The following NFKB1 variants were observed in gnomAD, a reference collection of about 807,000 sequenced individuals.
The protein encoded by NFKB1 is nuclear factor NF-kappa-B p105 subunit.
Under a neutral mutation model 105.1 loss-of-function variants are expected in NFKB1, and 9 were observed. The ratio of observed to expected loss-of-function variants is 0.09; its 90% CI spans 0.05 to 0.15. The LOEUF is 0.15. Ranked by LOEUF, NFKB1 falls within the 10% of genes least tolerant of loss-of-function variation. NFKB1 has a pLI of 1.00. For missense variants in NFKB1, 830 were observed against 1,203.7 expected (o/e 0.69, Z 4.59); for synonymous variants, 440 against 442.2 (o/e 1.00, Z 0.06).
rs986594537 is a variant in NFKB1 at position 102,607,313 on chromosome 4, C to T, written c.2118C>T (p.Leu706=). The T allele has an allele frequency of 2.0e-5, 33 of 1,611,634 alleles. No homozygotes were observed. The highest frequency in any genetic ancestry group is 2.7e-5 in the African/African-American group (2 of 74,848). The stretch of plus-strand genomic sequence containing the variant: ...ACATCTCATTGGCAGGCTGCCTGCT[C>T]CTGGAGGTGAAGGGCACACTTATTT... ...HDNISLAGCL[L]LEGDAHVDST... The change falls in exon 18 of 24, where the codon CTC becomes CTT. Residue 706 remains leucine (L), a synonymous_variant. Transcript: ENST00000226574.
At chr4:102,513,214 G>T (rs1348437884) in intron 1 of NFKB1, among the ~76,000 whole-genome samples, 1 of 152,168 alleles carries the variant, frequency 6.6e-6, no homozygotes, top group African/African-American at 2.4e-5. Flanking sequence ...CTCACACCAT[G>T]AACAGAGGTA....
intron 4 of NFKB1, 55 bp downstream of exon 4, chr4:102,533,940 A>C: frequency 6.9e-7 from 1 of 1,456,570 alleles, no homozygotes; most frequent in African/African-American, 1.4e-5. Flanking sequence ...TAATATTGAG[A>C]TCATAAGCAC....
rs768062011 is a variant in NFKB1 at position 102,582,843 on chromosome 4, C to T, written c.836-23C>T. The T allele has an allele frequency of 7.3e-6, 11 of 1,498,316 alleles. No homozygotes were observed. In the East Asian group the frequency reaches 1.8e-4, roughly 25 times the overall value. 92.8% of individuals were successfully genotyped at this position (1,498,316 alleles called of 1,614,324 possible). ...ACTATTTACACTATGTGAAATTACACACTTCAATGTGATTGTTTGCAGATG... is the reference window on the plus strand; with the variant it reads ...ACTATTTACACTATGTGAAATTACATACTTCAATGTGATTGTTTGCAGATG... On this transcript the variant is annotated intron_variant, in intron 9 of 23. Coordinates refer to ENST00000226574, the MANE Select transcript of NFKB1 (RefSeq NM_003998.4).
chr4:102,537,687 A>G (rs1741736006), intron 4 of NFKB1, 171 bp from the exon 5 acceptor site: 2 of 496,078 alleles, frequency 4.0e-6, no homozygotes, highest in Admixed American at 3.5e-5. Context: ...CATTTTTCGT[A>G]GTAAGATTAC....
chr4:102,529,608 A>T (rs1186596514), intron 2 of NFKB1, among the ~76,000 whole-genome samples: 1 of 152,184 alleles, frequency 6.6e-6, no homozygotes, highest in Non-Finnish European at 1.5e-5. Context: ...TGCTTCTCAA[A>T]TCCCTTTGTT....
intron 1 of NFKB1, among the ~76,000 whole-genome samples, chr4:102,517,763 A>G (rs1454175981): frequency 6.6e-6 from 1 of 152,200 alleles, no homozygotes; most frequent in African/African-American, 2.4e-5. Flanking sequence ...ATGGCATTTC[A>G]GGATGCAGGG....
At chr4:102,607,594 A>G in intron 18 of NFKB1, 55 bp from the exon 19 acceptor site, 2 of 1,561,130 alleles carry the variant, frequency 1.3e-6, no homozygotes, top group Non-Finnish European at 1.8e-6. Flanking sequence ...GGAGGTGGGG[A>G]CAAAAGGGCA....
At chr4:102,535,089 T>C (rs546931249) in intron 4 of NFKB1, among the ~76,000 whole-genome samples, 68 of 152,292 alleles carry the variant, frequency 4.5e-4, no homozygotes, top group Non-Finnish European at 7.9e-4. Flanking sequence ...TAACACTCCA[T>C]TGCTCTACCT....
chr4:102,612,188 C>G, intron 21 of NFKB1, 78 bp downstream of exon 21: 1 of 1,314,926 alleles, frequency 7.6e-7, no homozygotes, highest in South Asian at 1.2e-5. Context: ...CCAGCATTAT[C>G]CAGGGTCTAC....
chr4:102,588,513 TA>T (rs1725906423), intron 11 of NFKB1, among the ~76,000 whole-genome samples: 1 of 152,028 alleles, frequency 6.6e-6, no homozygotes, highest in Admixed American at 6.6e-5. Context: ...AGATTAGGGA[TA>T]AATAATCTTT....
At chr4:102,507,372 A>G (rs1453602396) in intron 1 of NFKB1, among the ~76,000 whole-genome samples, 1 of 152,238 alleles carries the variant, frequency 6.6e-6, no homozygotes, top group Non-Finnish European at 1.5e-5. Context: ...CGCTACTAGT[A>G]GAAATGTATG....
chr4:102,582,276 G>A (rs2149189303), intron 9 of NFKB1, among the ~76,000 whole-genome samples: 1 of 152,074 alleles, frequency 6.6e-6, no homozygotes, highest in South Asian at 2.1e-4. Context: ...TACTGTCTAT[G>A]TTAAAATCCT....
At chr4:102,597,714 C>G in intron 15 of NFKB1, 53 bp downstream of exon 15, 4 of 1,577,212 alleles carry the variant, frequency 2.5e-6, no homozygotes, top group Non-Finnish European at 3.5e-6. Context: ...AGAAGAAGAG[C>G]ATCGTATAAT....
intron 6 of NFKB1, among the ~76,000 whole-genome samples, chr4:102,576,359 G>C (rs1343776394): frequency 6.6e-6 from 1 of 152,132 alleles, no homozygotes; most frequent in Non-Finnish European, 1.5e-5. Flanking sequence ...TTAGTATTTT[G>C]AATTTTGAAT....
intron 11 of NFKB1, among the ~76,000 whole-genome samples, chr4:102,591,711 C>G (rs1490701047): frequency 6.6e-6 from 1 of 152,166 alleles, no homozygotes; most frequent in African/African-American, 2.4e-5. Flanking sequence ...TGACAATACA[C>G]CTAGTCACCC....
intron 1 of NFKB1, among the ~76,000 whole-genome samples, chr4:102,506,907 A>G (rs1319253981): frequency 6.6e-6 from 1 of 151,274 alleles, no homozygotes; most frequent in Non-Finnish European, 1.5e-5. Flanking sequence ...TATTAAATAT[A>G]CTGATATATA....
intron 1 of NFKB1, among the ~76,000 whole-genome samples, chr4:102,512,162 C>G (rs1394314937): frequency 6.6e-6 from 1 of 152,196 alleles, no homozygotes; most frequent in Non-Finnish European, 1.5e-5. Flanking sequence ...TTCTCATTTA[C>G]TTATTACTTA....
intron 8 of NFKB1, among the ~76,000 whole-genome samples, chr4:102,580,262 C>G (rs183770069): frequency 7.9e-5 from 12 of 152,286 alleles, no homozygotes; most frequent in Admixed American, 3.3e-4. Flanking sequence ...CAGAAAAGCT[C>G]TTTCTCTTTT....
chr4:102,570,446 T>G (rs1186564637), intron 6 of NFKB1, among the ~76,000 whole-genome samples: 3 of 152,168 alleles, frequency 2.0e-5, no homozygotes, highest in African/African-American at 7.2e-5. Flanking sequence ...ACATTTTCTT[T>G]ATTTATTTAT....
Sources: allele counts gnomAD v4.1 joint callset (sites outside exome capture counted in the v4.1 genomes callset), GRCh38; gene constraint gnomAD v4.1.1; transcripts MANE v1.5; gene names NCBI Gene and HGNC (gene_info 2026-07-23, HGNC 2026-07-21).